The following SSH2 variants were observed in gnomAD, a reference collection of about 807,000 sequenced individuals.
The protein encoded by SSH2 is slingshot protein phosphatase 2.
A neutral mutation model predicts 135.2 loss-of-function variants in SSH2; 37 were observed. The observed-to-expected ratio is 0.27, with a 90% CI of 0.21 to 0.36. SSH2 has a LOEUF of 0.36. Among genes scored for constraint, SSH2 ranks in the 10% least tolerant of loss-of-function variants. The pLI is 1.00. For synonymous variants in SSH2, 628 were observed against 646.2 expected (o/e 0.97, Z 0.43); for missense variants, 1,408 against 1,765.3 (o/e 0.80, Z 3.63).
chr17:29,686,059 G>T (rs1339011841), intron 5 of SSH2, among the ~76,000 whole-genome samples: 1 of 151,810 alleles, frequency 6.6e-6, no homozygotes, highest in East Asian at 2.0e-4. Flanking sequence ...TGTTGGTCAG[G>T]CTGGTCTCAA....
intron 8 of SSH2, among the ~76,000 whole-genome samples, 179 bp from the exon 9 acceptor site, chr17:29,672,308 T>C (rs1405684409): frequency 2.6e-5 from 4 of 152,134 alleles, no homozygotes; most frequent in Non-Finnish European, 5.9e-5. Flanking sequence ...TCCACAGCAA[T>C]GGACAAGACA....
At chr17:29,710,386 G>C (rs1262120573) in intron 3 of SSH2, among the ~76,000 whole-genome samples, 2 of 152,202 alleles carry the variant, frequency 1.3e-5, no homozygotes, top group African/African-American at 4.8e-5. Context: ...AATAACGACT[G>C]CATGCAGTAT....
At chr17:29,822,332 AT>A (rs1334655278) in intron 2 of SSH2, among the ~76,000 whole-genome samples, 1 of 152,078 alleles carries the variant, frequency 6.6e-6, no homozygotes, top group Non-Finnish European at 1.5e-5. Context: ...TCATATAATC[AT>A]TGAAAAAAAC....
chr17:29,742,845 G>A (rs571127184), intron 3 of SSH2, among the ~76,000 whole-genome samples: 1 of 152,018 alleles, frequency 6.6e-6, no homozygotes, highest in Non-Finnish European at 1.5e-5. Flanking sequence ...ATGTTGGCCA[G>A]GCTGGTCTTG....
chr17:29,855,032 C>T (rs942898988), intron 1 of SSH2, among the ~76,000 whole-genome samples: 6 of 152,158 alleles, frequency 3.9e-5, no homozygotes, highest in African/African-American at 1.4e-4. Flanking sequence ...TCTCTTTTAC[C>T]CTATTCTTGT....
chr17:29,816,709 A>C (rs1364700976), intron 2 of SSH2, among the ~76,000 whole-genome samples: 2 of 152,010 alleles, frequency 1.3e-5, no homozygotes, highest in Non-Finnish European at 1.5e-5. Context: ...AAAAAAAAAA[A>C]AAACTCAAAG....
chr17:29,678,091 G>T (rs554377265), intron 6 of SSH2, among the ~76,000 whole-genome samples: 111 of 132,138 alleles, frequency 8.4e-4, no homozygotes, highest in African/African-American at 3.1e-3. Flanking sequence ...TCGACTCCAA[G>T]GATTTTTTTT....
chr17:29,637,363 C>T (rs1025014839), intron 14 of SSH2, among the ~76,000 whole-genome samples: 1 of 152,108 alleles, frequency 6.6e-6, no homozygotes, highest in Non-Finnish European at 1.5e-5. Flanking sequence ...CCCCCCACCA[C>T]ACCCAGCTGA....
At chr17:29,792,590 A>G (rs2042088154) in intron 3 of SSH2, among the ~76,000 whole-genome samples, 1 of 152,216 alleles carries the variant, frequency 6.6e-6, no homozygotes, top group Non-Finnish European at 1.5e-5. Flanking sequence ...ATGAAAAGGA[A>G]CTATTTTTAT....
intron 1 of SSH2, among the ~76,000 whole-genome samples, chr17:29,916,742 ACAAT>A (rs2066889093): frequency 6.6e-6 from 1 of 152,196 alleles, no homozygotes; most frequent in South Asian, 2.1e-4. Flanking sequence ...ATTCTAAATC[ACAAT>A]CACTTTATCA....
chr17:29,704,191 T>C (rs2151128615), intron 3 of SSH2, among the ~76,000 whole-genome samples: 1 of 152,308 alleles, frequency 6.6e-6, no homozygotes, highest in East Asian at 1.9e-4. Flanking sequence ...TGTTACAATA[T>C]TTAGCTACTA....
At chr17:29,738,983 T>C (rs2040468564) in intron 3 of SSH2, among the ~76,000 whole-genome samples, 1 of 152,238 alleles carries the variant, frequency 6.6e-6, no homozygotes, top group Non-Finnish European at 1.5e-5. Flanking sequence ...GGTATACATA[T>C]ATTTAATTAA....
At chr17:29,684,731 ATT>A (rs759494199) in intron 5 of SSH2, 47 bp from the exon 6 acceptor site, 2 of 1,562,568 alleles carry the variant, frequency 1.3e-6, no homozygotes, top group Admixed American at 1.8e-5. Flanking sequence ...TAGGACATTA[ATT>A]TCAGATCATT....
intron 3 of SSH2, among the ~76,000 whole-genome samples, chr17:29,713,696 T>C (rs2039521046): frequency 6.6e-6 from 1 of 152,294 alleles, no homozygotes; most frequent in South Asian, 2.1e-4. Flanking sequence ...CTTGGACTTA[T>C]ACCAAGCAGC....
At chr17:29,686,989 GA>G (rs1208670652) in intron 5 of SSH2, among the ~76,000 whole-genome samples, 1 of 152,182 alleles carries the variant, frequency 6.6e-6, no homozygotes, top group Non-Finnish European at 1.5e-5. Context: ...ACAGATCTTT[GA>G]AGCCAGAAAA....
intron 11 of SSH2, among the ~76,000 whole-genome samples, chr17:29,656,586 A>G (rs2036790748): frequency 6.6e-6 from 1 of 152,224 alleles, no homozygotes; most frequent in African/African-American, 2.4e-5. Context: ...AAATGAGGGA[A>G]ACATTATATG....
At chr17:29,716,495 T>A in intron 3 of SSH2, 1 of 709,632 alleles carries the variant, frequency 1.4e-6, no homozygotes. Context: ...GTTAACATTG[T>A]AGACTCCTTC....
At chr17:29,900,859 G>C (rs1486301298) in intron 1 of SSH2, among the ~76,000 whole-genome samples, 2 of 152,110 alleles carry the variant, frequency 1.3e-5, no homozygotes, top group African/African-American at 4.8e-5. Context: ...ATTCACAAAA[G>C]CAAAGACTTG....
At chr17:29,633,882 T>C (rs1177578839) in intron 15 of SSH2, among the ~76,000 whole-genome samples, 3 of 152,248 alleles carry the variant, frequency 2.0e-5, no homozygotes, top group Admixed American at 6.5e-5. Flanking sequence ...GGAACTGTTC[T>C]GGTTTTTCTC....
Sources: allele counts gnomAD v4.1 joint callset (sites outside exome capture counted in the v4.1 genomes callset), GRCh38; gene constraint gnomAD v4.1.1; transcripts MANE v1.5; gene names NCBI Gene and HGNC (gene_info 2026-07-23, HGNC 2026-07-21).